AATF: variants seen among roughly 807,000 people sequenced by gnomAD.
AATF encodes apoptosis antagonizing transcription factor.
A neutral mutation model predicts 63.7 loss-of-function variants in AATF; 48 were observed. The observed-to-expected ratio is 0.75, with a 90% CI of 0.60 to 0.96. The LOEUF (loss-of-function observed/expected upper bound fraction) is 0.96. Ranked by LOEUF, AATF falls within the 40% of genes least tolerant of loss-of-function variation. The probability of loss-of-function intolerance (pLI) is 0.00; values close to 1 mark genes in which losing one functional copy is unlikely to be tolerated. For synonymous variants in AATF, 258 were observed against 247.7 expected (o/e 1.04, Z -0.39); for missense variants, 639 against 685.7 (o/e 0.93, Z 0.76).
intron 8 of AATF, among the ~76,000 whole-genome samples, chr17:37,001,769 G>A (rs1465591169): frequency 6.6e-6 from 1 of 152,212 alleles, no homozygotes; most frequent in African/African-American, 2.4e-5. Flanking sequence ...TTAGGAACAA[G>A]ACAAGGATGT....
chr17:37,012,252 G>A (rs529531139), intron 8 of AATF, among the ~76,000 whole-genome samples: 3 of 152,074 alleles, frequency 2.0e-5, no homozygotes, highest in East Asian at 3.9e-4. Flanking sequence ...GACGGGGTTC[G>A]CCATCTTGGC....
intron 11 of AATF, among the ~76,000 whole-genome samples, chr17:37,037,086 G>A (rs2071599273): frequency 6.7e-6 from 1 of 149,212 alleles, no homozygotes; most frequent in African/African-American, 2.5e-5. Flanking sequence ...TCGGCTCACT[G>A]CAAGCTCCGC....
chr17:36,950,650 C>T (rs889196524), intron 2 of AATF, among the ~76,000 whole-genome samples: 1 of 152,176 alleles, frequency 6.6e-6, no homozygotes, highest in Admixed American at 6.5e-5. Context: ...CAGGCATGCA[C>T]CACCACGCCC....
At chr17:37,006,384 G>A (rs1458309248) in intron 8 of AATF, among the ~76,000 whole-genome samples, 1 of 151,990 alleles carries the variant, frequency 6.6e-6, no homozygotes, top group Non-Finnish European at 1.5e-5. Context: ...CAGGAGAATC[G>A]CTTGAACCCA....
chr17:36,956,612 G>A (rs953681262), intron 4 of AATF, among the ~76,000 whole-genome samples: 1 of 150,820 alleles, frequency 6.6e-6, no homozygotes, highest in South Asian at 2.1e-4. Context: ...GGCGGAGGCT[G>A]CAGCGAGCCA....
intron 8 of AATF, among the ~76,000 whole-genome samples, chr17:37,014,214 G>A (rs1282575347): frequency 1.3e-5 from 2 of 151,700 alleles, no homozygotes; most frequent in Non-Finnish European, 2.9e-5. Context: ...GCTGCAATGC[G>A]CTGAGATTGC....
chr17:36,953,993 G>A, intron 4 of AATF, 86 bp downstream of exon 4: 1 of 1,444,040 alleles, frequency 6.9e-7, no homozygotes, highest in Non-Finnish European at 9.4e-7. Flanking sequence ...GGGAGCTTGA[G>A]CCATGTTTAT....
chr17:37,023,294 T>C (rs2071486789), intron 10 of AATF, among the ~76,000 whole-genome samples: 1 of 152,182 alleles, frequency 6.6e-6, no homozygotes. Flanking sequence ...TTCAAAAATG[T>C]TCAATATATC....
At chr17:36,986,576 G>A in intron 4 of AATF, 41 bp from the exon 5 acceptor site, 1 of 1,538,252 alleles carries the variant, frequency 6.5e-7, no homozygotes, top group Non-Finnish European at 9.0e-7. Flanking sequence ...TTGGAGAATT[G>A]TAGATAATTA....
rs756616573 is a variant in AATF, at chr17:36,989,446, A to G, written c.1314+35A>G. 4 of 1,553,386 alleles carry G rather than the reference A, an allele frequency of 2.6e-6. No homozygotes were observed. The South Asian group carries it at 4.9e-5, about 19-fold the overall frequency. On this transcript the variant is annotated intron_variant, in intron 7 of 11. Transcript: ENST00000619387. ...CTGTAATGCAGAGTGATTATGGGGA[A>G]TAGTTTCTATGAGGCTTATTAGCTG...
At chr17:36,956,616 C>T (rs2411164) in intron 4 of AATF, among the ~76,000 whole-genome samples, 7,995 of 149,454 alleles carry the variant, frequency 0.053, 645 homozygotes, top group African/African-American at 0.17. Context: ...GAGGCTGCAG[C>T]GAGCCAAGAT....
chr17:36,993,086 T>G (rs1373207322), intron 8 of AATF, among the ~76,000 whole-genome samples: 1 of 152,224 alleles, frequency 6.6e-6, no homozygotes, highest in Non-Finnish European at 1.5e-5. Context: ...GTGCAAGTCT[T>G]GAAACCCTGC....
intron 4 of AATF, among the ~76,000 whole-genome samples, chr17:36,969,553 C>G (rs9893393): frequency 0.062 from 9,485 of 152,230 alleles, 899 homozygotes; most frequent in African/African-American, 0.2. Context: ...TGTTTCTGGA[C>G]TGTAAGTGAG....
intron 8 of AATF, among the ~76,000 whole-genome samples, chr17:37,002,201 CAAAA>C (rs34123922): frequency 6.5e-5 from 5 of 76,452 alleles, no homozygotes; most frequent in Non-Finnish European, 1.4e-4. Flanking sequence ...GACTCCGTCT[CAAAA>C]AAAAAAAAAA....
At chr17:36,958,473 T>C (rs1459258887) in intron 4 of AATF, among the ~76,000 whole-genome samples, 3 of 152,182 alleles carry the variant, frequency 2.0e-5, no homozygotes, top group Non-Finnish European at 4.4e-5. Flanking sequence ...CCTTCTCTCT[T>C]TTAGAATTTC....
chr17:36,992,610 C>G (rs1239897170), intron 8 of AATF, among the ~76,000 whole-genome samples: 1 of 142,304 alleles, frequency 7.0e-6, no homozygotes, highest in Admixed American at 6.9e-5. Context: ...AATCCTTAGT[C>G]TGAATTTTTT....
intron 8 of AATF, among the ~76,000 whole-genome samples, chr17:37,009,859 A>G (rs1444183617): frequency 6.9e-6 from 1 of 145,390 alleles, no homozygotes; most frequent in Non-Finnish European, 1.5e-5. Flanking sequence ...AACCATGCAG[A>G]TTTGTTGAAT....
intron 11 of AATF, among the ~76,000 whole-genome samples, chr17:37,041,479 A>G (rs2071639406): frequency 6.6e-6 from 1 of 152,038 alleles, no homozygotes; most frequent in Admixed American, 6.5e-5. Flanking sequence ...ATGTCATTTT[A>G]TCTTTGCTAA....
At position 36,953,041 on chromosome 17, in the gene AATF, C is replaced by T; in HGVS notation, c.439C>T (p.Pro147Ser). 1 of 1,614,120 alleles carries T rather than the reference C, an allele frequency of 6.2e-7. No individual in the cohort carries two copies. Among genetic ancestry groups the T allele is most frequent in the Non-Finnish European group, 8.5e-7 (1 of 1,180,036 alleles). The stretch of plus-strand genomic sequence containing the variant: ...GAGCAGAAGCCACTCTGCAAAAACA[C>T]CGGGCTTCAGTGTCCAGAGTATCAG... The part of the protein sequence containing the change: ...KKSRSHSAKT[P>S]GFSVQSISDF... Residue 147 changes from proline (P) to serine (S), a missense_variant, in exon 3 of 12, where the codon CCG (proline) becomes TCG (serine). Coordinates refer to ENST00000619387, the MANE Select transcript of AATF (RefSeq NM_012138.4).
Sources: allele counts gnomAD v4.1 joint callset (sites outside exome capture counted in the v4.1 genomes callset), GRCh38; gene constraint gnomAD v4.1.1; transcripts MANE v1.5; gene names NCBI Gene and HGNC (gene_info 2026-07-23, HGNC 2026-07-21).